VPS53: variants seen among roughly 807,000 people sequenced by gnomAD.
VPS53 encodes VPS53 subunit of GARP complex, also known as vacuolar protein sorting-associated protein 53 homolog.
Under a neutral mutation model 107.0 loss-of-function variants are expected in VPS53, and 70 were observed. That is an observed-to-expected ratio of 0.65 (90% confidence interval 0.54 to 0.80). The LOEUF (loss-of-function observed/expected upper bound fraction) is 0.80. Ranked by LOEUF, VPS53 falls within the 30% of genes least tolerant of loss-of-function variation. VPS53 has a pLI of 0.00. For synonymous variants in VPS53, 409 were observed against 393.3 expected, an observed-to-expected ratio of 1.04 and a Z score of -0.47; for missense variants, 917 against 1,049.4, an observed-to-expected ratio of 0.87 and a Z score of 1.74.
intron 9 of VPS53, 87 bp downstream of exon 9, chr17:628,001 T>C: frequency 7.7e-7 from 1 of 1,303,814 alleles, no homozygotes; most frequent in Non-Finnish European, 1.1e-6. Flanking sequence ...AGTCATGTAA[T>C]ACGAGGTCTA....
At chr17:527,761 G>A (rs1469461445) in intron 19 of VPS53, among the ~76,000 whole-genome samples, 3 of 152,036 alleles carry the variant, frequency 2.0e-5, no homozygotes, top group Non-Finnish European at 4.4e-5. Flanking sequence ...CTACAGGCAC[G>A]TGCCACACTT....
At chr17:629,056 C>T (rs1969833844) in intron 8 of VPS53, among the ~76,000 whole-genome samples, 1 of 152,222 alleles carries the variant, frequency 6.6e-6, no homozygotes, top group Admixed American at 6.5e-5. Context: ...GGAGCACTTG[C>T]TCACCTCATA....
At chr17:587,026 C>G (rs1306381549) in intron 12 of VPS53, among the ~76,000 whole-genome samples, 1 of 151,866 alleles carries the variant, frequency 6.6e-6, no homozygotes, top group Non-Finnish European at 1.5e-5. Context: ...ACTTTCTATT[C>G]TTACCACGAG....
intron 7 of VPS53, among the ~76,000 whole-genome samples, chr17:647,539 T>A (rs369448385): frequency 4.0e-4 from 61 of 152,160 alleles, no homozygotes; most frequent in African/African-American, 1.4e-3. Flanking sequence ...TCCTCCCCCA[T>A]CCGCTGACAG....
At chr17:707,508 G>A (rs1375137250) in intron 2 of VPS53, among the ~76,000 whole-genome samples, 1 of 131,080 alleles carries the variant, frequency 7.6e-6, no homozygotes, top group Non-Finnish European at 1.6e-5. Context: ...GGACAAGAAT[G>A]AGACTTTGTC....
At position 661,455 on chromosome 17, in the gene VPS53, A is replaced by G. The variant is rs373789027; in HGVS notation, c.372+354T>C. On this transcript the variant is annotated intron_variant, in intron 5 of 21. Transcript: ENST00000437048. ...GGAATCGCTTGAACCTGGGAGGCGG[A>G]GGTTGCAGTGAGCCAAGATCGCACC... Among the ~76,000 whole-genome samples the G allele has an allele frequency of 4.8e-5, 7 of 144,918 alleles. No homozygotes were observed. In the South Asian group the frequency reaches 9.4e-4, roughly 20 times the overall value.
intron 13 of VPS53, among the ~76,000 whole-genome samples, chr17:578,241 C>T (rs143406170): frequency 0.015 from 2,349 of 152,116 alleles, 24 homozygotes; most frequent in Middle Eastern, 0.031. Flanking sequence ...TGATGCGTTC[C>T]CAGAGATCCT....
At chr17:632,242 T>C (rs1007949083) in intron 7 of VPS53, among the ~76,000 whole-genome samples, 1 of 152,118 alleles carries the variant, frequency 6.6e-6, no homozygotes, top group Non-Finnish European at 1.5e-5. Context: ...AGGGAGACCT[T>C]GGCTCTAAAA....
chr17:660,810 G>T (rs1357377575), intron 5 of VPS53, among the ~76,000 whole-genome samples: 1 of 152,180 alleles, frequency 6.6e-6, no homozygotes, highest in East Asian at 1.9e-4. Flanking sequence ...ACAACCCTGT[G>T]AGGCAAATGC....
At chr17:533,074 C>A in intron 18 of VPS53, 163 bp from the exon 19 acceptor site, 1 of 1,317,988 alleles carries the variant, frequency 7.6e-7, no homozygotes, top group Non-Finnish European at 1.0e-6. Context: ...TGAGTGAAGT[C>A]CTGGTTTTGT....
In VPS53 at chr17:518,053, G is replaced by C. The variant is rs1567593136; in HGVS notation, c.*1075C>G. On this transcript the variant is annotated 3_prime_UTR_variant, in exon 22 of 22. Coordinates refer to ENST00000437048, the MANE Select transcript of VPS53 (RefSeq NM_001128159.3). The stretch of plus-strand genomic sequence containing the variant: ...CCCAAAGTGTTGCGACTACAGGCAT[G>C]AGCCGCCGTGCCTGGCAAGATATCA... The C allele has an allele frequency of 6.6e-6, 1 of 152,348 alleles. No homozygotes were observed. Among genetic ancestry groups the C allele is most frequent in the Non-Finnish European group, 1.5e-5 (1 of 68,114 alleles). The allele number at this position is 152,348 out of a possible 1,614,324, so 9.4% of individuals were successfully genotyped here.
chr17:531,465 T>C (rs1248256255), intron 19 of VPS53, among the ~76,000 whole-genome samples: 5 of 152,216 alleles, frequency 3.3e-5, no homozygotes, highest in East Asian at 1.9e-4. Context: ...TCTGAAGATA[T>C]TGGCTTTGGG....
rs377269655 is a variant in VPS53, at chr17:519,194, C to T, written c.2433G>A (p.Ala811=). Residue 811 remains alanine, a synonymous_variant, in exon 22 of 22, where the codon GCG becomes GCA. Transcript: ENST00000437048. The surrounding 1 kb of genome is among the most constrained non-coding windows in gnomAD (Gnocchi z 5.0). The part of the protein sequence containing the change: ...AESSGSLSLT[A]PTPEQESSRI... ...GTGACGACTCTTGCTCTGGTGTTGGCGCCGTCAGGGACAGTGAGCCGGAGC... is the reference window on the plus strand; with the variant it reads ...GTGACGACTCTTGCTCTGGTGTTGGTGCCGTCAGGGACAGTGAGCCGGAGC... 18 of 1,548,480 alleles carry T rather than the reference C, an allele frequency of 1.2e-5. No homozygotes were observed. Among genetic ancestry groups the T allele is most frequent in the African/African-American group, 8.2e-5 (6 of 72,828 alleles).
intron 5 of VPS53, among the ~76,000 whole-genome samples, chr17:658,154 G>A (rs139502098): frequency 1.2e-3 from 175 of 147,892 alleles, no homozygotes; most frequent in Non-Finnish European, 1.5e-3. Flanking sequence ...CAGGGAGTTC[G>A]TGGATAGTTA....
At chr17:579,563 C>G (rs1186390417) in intron 13 of VPS53, among the ~76,000 whole-genome samples, 1 of 151,460 alleles carries the variant, frequency 6.6e-6, no homozygotes, top group Non-Finnish European at 1.5e-5. Flanking sequence ...TCAATGTGTT[C>G]TCAGAGATCC....
intron 11 of VPS53, among the ~76,000 whole-genome samples, chr17:619,001 T>A (rs556144050): frequency 2.9e-4 from 42 of 145,344 alleles, no homozygotes; most frequent in Non-Finnish European, 4.3e-4. Flanking sequence ...CCTGCTAATA[T>A]TTCCCGGGTA....
chr17:665,229 C>A (rs1597459911), intron 4 of VPS53, among the ~76,000 whole-genome samples: 1 of 152,146 alleles, frequency 6.6e-6, no homozygotes, highest in Admixed American at 6.5e-5. Context: ...TCTTGCCTTC[C>A]AACTCTGCCA....
chr17:601,647 C>G, intron 12 of VPS53, 148 bp downstream of exon 12: 1 of 573,220 alleles, frequency 1.7e-6, no homozygotes, highest in Non-Finnish European at 3.1e-6. Flanking sequence ...TCTACATGCA[C>G]TTTCAGATAA....
rs560358669 is a variant in VPS53 at position 619,166 on chromosome 17, G to A, written c.1116+4367C>T. Among the ~76,000 whole-genome samples, 9 of 143,538 alleles carry A rather than the reference G, an allele frequency of 6.3e-5. No homozygotes were observed. The South Asian group carries it at 2.0e-3, about 32-fold the overall frequency. 94.2% of individuals were successfully genotyped at this position (143,538 alleles called of 152,430 possible). On this transcript the variant is annotated intron_variant, in intron 11 of 21. Transcript: ENST00000437048. ...CTGCTAATATTTCCCAGGTAGCTGG[G>A]ACTACAGGTGCCCACGACGCCTGCT... is the stretch of plus-strand genomic sequence containing the variant.
Sources: gnomAD v4.1 joint callset for allele counts (sites outside exome capture counted in the v4.1 genomes callset) on GRCh38, gnomAD v4.1.1 for gene constraint, Gnocchi (gnomAD v3.1) non-coding constraint, MANE v1.5 for transcripts, NCBI Gene and HGNC (gene_info 2026-07-23, HGNC 2026-07-21) for gene names.